SASH1: variants seen among roughly 807,000 people sequenced by gnomAD.
SASH1 encodes SAM and SH3 domain containing 1.
SASH1 carries 44 observed loss-of-function variants against 125.2 expected under a neutral mutation model. The ratio of observed to expected loss-of-function variants is 0.35; its 90% CI spans 0.28 to 0.45. The LOEUF is 0.45. Among genes scored for constraint, SASH1 ranks in the 20% least tolerant of loss-of-function variants. SASH1 has a pLI of 1.00. For synonymous variants in SASH1, 639 were observed against 649.1 expected (o/e 0.98, Z 0.24); for missense variants, 1,426 against 1,614.5 (o/e 0.88, Z 2.00).
intron 16 of SASH1, 59 bp from the exon 17 acceptor site, chr6:148,540,384 C>T (rs1782141447): frequency 1.5e-6 from 2 of 1,349,780 alleles, no homozygotes; most frequent in South Asian, 2.4e-5. Context: ...GATCTGTTGA[C>T]TCTGAAACCT....
the SASH1 span, among the ~76,000 whole-genome samples, chr6:148,194,982 T>C: frequency 6.6e-6 from 1 of 152,252 alleles, no homozygotes; most frequent in Non-Finnish European, 1.5e-5. Flanking sequence ...GGTAAGCCAT[T>C]CTGTGTGATG....
chr6:148,294,822 TGAGTTTCTTTCTAAAG>T (rs1337673232), intron 1 of SASH1, among the ~76,000 whole-genome samples: 1 of 152,166 alleles, frequency 6.6e-6, no homozygotes, highest in Admixed American at 6.6e-5. Flanking sequence ...GAAAAAGTGC[TGAGTTTCTTTCTAAAG>T]GGGTTCCACA....
intron 1 of SASH1, among the ~76,000 whole-genome samples, chr6:148,343,843 G>A (rs1345374992): frequency 6.6e-6 from 1 of 152,206 alleles, no homozygotes; most frequent in African/African-American, 2.4e-5. Flanking sequence ...TCTTCTGTAT[G>A]GAGGGTGAAG....
chr6:148,538,539 C>CAATT (rs1195291850), intron 16 of SASH1, among the ~76,000 whole-genome samples: 8 of 152,282 alleles, frequency 5.3e-5, no homozygotes, highest in African/African-American at 1.9e-4. Flanking sequence ...CTTGTGCTTC[C>CAATT]AATTAGTTAA....
chr6:148,407,737 A>G (rs552490703), intron 2 of SASH1, among the ~76,000 whole-genome samples: 1 of 152,240 alleles, frequency 6.6e-6, no homozygotes, highest in South Asian at 2.1e-4. Context: ...AGTTGAAGCA[A>G]TTCTCTTGTC....
chr6:148,528,214 A>C (rs1781306327), intron 12 of SASH1, among the ~76,000 whole-genome samples: 1 of 152,124 alleles, frequency 6.6e-6, no homozygotes, highest in African/African-American at 2.4e-5. Flanking sequence ...TAGAGAAATG[A>C]CTGTTTCTGT....
rs747346589 is a variant in SASH1 at position 148,533,770 on chromosome 6, G to A, written c.1735-1G>A. On this transcript the variant is annotated splice_acceptor_variant, in intron 14 of 19. Coordinates refer to ENST00000367467, the MANE Select transcript of SASH1 (RefSeq NM_015278.5). LOFTEE classifies it high-confidence loss of function. The surrounding 1 kb of genome is among the most constrained non-coding windows in gnomAD (Gnocchi z 6.2). Reference sequence around the variant, plus strand: ...AAAGATCTTTGCTCCCTGGGCCACAGAAAGGAGATATCATCGATATAATCA... The same window carrying A: ...AAAGATCTTTGCTCCCTGGGCCACAAAAAGGAGATATCATCGATATAATCA... 6.2e-7 allele frequency: 1 copy of A among 1,611,838 alleles called. No individual in the cohort carries two copies. The highest frequency in any genetic ancestry group is 1.1e-5 in the South Asian group (1 of 90,972).
rs756866305 is a variant in SASH1, at chr6:148,546,156, C to G, written c.3480+10C>G. ...GCAGCACCGCATGGCGGTGAGCAGCCCACAGTTCTCCAGCTTCCTGAGGCA... is the reference window on the plus strand; with the variant it reads ...GCAGCACCGCATGGCGGTGAGCAGCGCACAGTTCTCCAGCTTCCTGAGGCA... On this transcript the variant is annotated intron_variant, in intron 19 of 19. Coordinates refer to ENST00000367467, the MANE Select transcript of SASH1 (RefSeq NM_015278.5). 1.2e-6 allele frequency: 2 copies of G among 1,612,066 alleles called. No homozygotes were observed. Among genetic ancestry groups the G allele is most frequent in the Admixed American group, 3.4e-5 (2 of 59,540 alleles).
At chr6:148,255,777 G>A in the SASH1 span, among the ~76,000 whole-genome samples, 2 of 152,000 alleles carry the variant, frequency 1.3e-5, no homozygotes, top group African/African-American at 2.4e-5. Flanking sequence ...TGAGTAGCTG[G>A]GACTACAGGT....
the SASH1 span, among the ~76,000 whole-genome samples, chr6:148,238,941 G>A: frequency 6.6e-6 from 1 of 152,162 alleles, no homozygotes; most frequent in Admixed American, 6.5e-5. Context: ...AGAGCAGGCA[G>A]ATTGCAGGGA....
At chr6:148,298,085 C>A (rs1334824599) in intron 1 of SASH1, among the ~76,000 whole-genome samples, 1 of 149,330 alleles carries the variant, frequency 6.7e-6, no homozygotes, top group Admixed American at 6.7e-5. Context: ...TGGCTCGCTG[C>A]AACCTCTGCC....
intron 1 of SASH1, among the ~76,000 whole-genome samples, chr6:148,349,241 CTTCTTTCTTTCTTTTTTTTTTTTTT>C (rs1166148284): frequency 2.3e-5 from 2 of 87,102 alleles, no homozygotes; most frequent in East Asian, 3.6e-4. Flanking sequence ...TTCATTCTTT[CTTCTTTCTTTCTTTTTTTTTTTTTT>C]TTTTTTTTTT....
chr6:148,244,955 TGTGTGA>T, the SASH1 span, among the ~76,000 whole-genome samples: 6 of 133,418 alleles, frequency 4.5e-5, no homozygotes, highest in African/African-American at 1.6e-4. Context: ...TGTGTGTGTG[TGTGTGA>T]GAGAGAGAGA....
At chr6:148,301,604 G>T (rs936032007) in intron 1 of SASH1, among the ~76,000 whole-genome samples, 2 of 151,160 alleles carry the variant, frequency 1.3e-5, no homozygotes, top group African/African-American at 4.9e-5. Flanking sequence ...TTTGAGACAG[G>T]ATCTTGCTCT....
At chr6:148,279,872 A>T (rs1159646457) in intron 1 of SASH1, among the ~76,000 whole-genome samples, 1 of 151,664 alleles carries the variant, frequency 6.6e-6, no homozygotes, top group Non-Finnish European at 1.5e-5. Context: ...CTGTAGTCCC[A>T]GTTACTTGGG....
At chr6:148,195,267 T>A in the SASH1 span, among the ~76,000 whole-genome samples, 1 of 151,812 alleles carries the variant, frequency 6.6e-6, no homozygotes, top group Admixed American at 6.6e-5. Flanking sequence ...TTTCTGCATG[T>A]CCTCCAGGCA....
intron 1 of SASH1, among the ~76,000 whole-genome samples, chr6:148,369,025 G>T (rs1465630412): frequency 6.6e-6 from 1 of 152,210 alleles, no homozygotes; most frequent in East Asian, 1.9e-4. Flanking sequence ...TGCCTGCCTT[G>T]TGCAACATTG....
chr6:148,343,747 T>C (rs913622365), intron 1 of SASH1, among the ~76,000 whole-genome samples: 1 of 152,224 alleles, frequency 6.6e-6, no homozygotes, highest in Non-Finnish European at 1.5e-5. Flanking sequence ...ATAGGACTTA[T>C]TTTGCTAAAT....
chr6:148,347,514 A>G (rs1210542708), intron 1 of SASH1, among the ~76,000 whole-genome samples: 1 of 152,152 alleles, frequency 6.6e-6, no homozygotes, highest in Non-Finnish European at 1.5e-5. Flanking sequence ...TAAAACAAAC[A>G]AACAAAATGT....
Sources: allele counts gnomAD v4.1 joint callset (sites outside exome capture counted in the v4.1 genomes callset), GRCh38; gene constraint gnomAD v4.1.1; non-coding constraint Gnocchi (gnomAD v3.1); transcripts MANE v1.5; gene names NCBI Gene and HGNC (gene_info 2026-07-23, HGNC 2026-07-21).